RCC1: variants seen among roughly 807,000 people sequenced by gnomAD.
RCC1 encodes regulator of chromosome condensation.
In RCC1, 11 loss-of-function variants were observed where a neutral mutation model predicts 44.4. The ratio of observed to expected loss-of-function variants is 0.25; its 90% CI spans 0.16 to 0.41. The LOEUF (loss-of-function observed/expected upper bound fraction) is 0.41, where lower values mean the gene tolerates loss of function less well. Among genes scored for constraint, RCC1 ranks in the 10% least tolerant of loss-of-function variants. The pLI is 1.00. For synonymous variants in RCC1, 213 were observed against 216.5 expected (o/e 0.98, Z 0.14); for missense variants, 386 against 547.1 (o/e 0.71, Z 2.94).
chr1:28,514,302 T>A (rs577906013), intron 3 of RCC1, among the ~76,000 whole-genome samples: 1 of 151,688 alleles, frequency 6.6e-6, no homozygotes, highest in Non-Finnish European at 1.5e-5. Context: ...TACAAAAAAT[T>A]AGCCGGGCGT....
chr1:28,535,605 A>G (rs1456882674), intron 9 of RCC1: 1 of 793,746 alleles, frequency 1.3e-6, no homozygotes, highest in Non-Finnish European at 2.1e-6. Flanking sequence ...AACCTACTTC[A>G]TTAGGTTGCT....
intron 4 of RCC1, among the ~76,000 whole-genome samples, chr1:28,528,844 C>CTTTTTTTTTTT (rs59005617): frequency 4.6e-5 from 4 of 87,228 alleles, no homozygotes; most frequent in Non-Finnish European, 8.5e-5. Context: ...GTTTTTCTTC[C>CTTTTTTTTTTT]TTTTTTTTTT....
At position 28,516,814 on chromosome 1, in the gene RCC1, A is replaced by G. The variant is rs1003124103; in HGVS notation, c.-63A>G. The stretch of plus-strand genomic sequence containing the variant: ...GGGTTAAAAGTTGGAGAAATTTCAC[A>G]GTACATCATCCAAAAGAGGAGTCCA... On this transcript the variant is annotated 5_prime_UTR_variant, in exon 4 of 13. Coordinates refer to ENST00000683442, the MANE Select transcript of RCC1 (RefSeq NM_001381865.2). 8.8e-6 allele frequency: 4 copies of G among 456,522 alleles called. No individual in the cohort carries two copies. Among genetic ancestry groups the G allele is most frequent in the African/African-American group, 8.0e-5 (4 of 50,056 alleles). The allele number at this position is 456,522 out of a possible 1,614,324, so 28.3% of individuals were successfully genotyped here.
intron 1 of RCC1, chr1:28,507,847 C>T (rs533790944): frequency 2.7e-5 from 8 of 301,886 alleles, no homozygotes; most frequent in South Asian, 1.1e-4. Flanking sequence ...CCTTGTGATC[C>T]GCCAGCCTCT....
chr1:28,522,769 C>T (rs1243710540), intron 4 of RCC1, among the ~76,000 whole-genome samples: 1 of 151,734 alleles, frequency 6.6e-6, no homozygotes, highest in African/African-American at 2.4e-5. Context: ...GAGCCGTGTA[C>T]GTGCTGCTGC....
rs549371403 is a variant in RCC1, at chr1:28,534,664, A to G, written c.442-386A>G. Among the ~76,000 whole-genome samples, 7 of 152,218 alleles carry G rather than the reference A, an allele frequency of 4.6e-5. No homozygotes were observed. The East Asian group carries it at 1.4e-3, about 29-fold the overall frequency. On this transcript the variant is annotated intron_variant, in intron 7 of 12. Coordinates refer to ENST00000683442, the MANE Select transcript of RCC1 (RefSeq NM_001381865.2). ...CCCAGCTAATTTTTGTATTTTTTGT[A>G]GGGACGGGGTTTCACCGTGTTGCCC... is the stretch of plus-strand genomic sequence containing the variant.
At chr1:28,512,030 A>G (rs999097644) in intron 3 of RCC1, among the ~76,000 whole-genome samples, 1 of 139,170 alleles carries the variant, frequency 7.2e-6, no homozygotes, top group African/African-American at 2.7e-5. Flanking sequence ...GCTGGAGTGC[A>G]GTGGCGTGAT....
rs745611564 is a variant in RCC1, at chr1:28,536,376, C to T, written c.932C>T (p.Ser311Leu). ...CAGCACCATACAGTCTGCATGGATT[C>T]GGAAGGTAGGGCCTTTACGTCCTTC... is the stretch of plus-strand genomic sequence containing the variant. ...GGQHHTVCMD[S>L]EGKAYSLGRA... Residue 311 changes from serine (S) to leucine (L), a missense_variant, in exon 11 of 13, where the codon TCG (serine) becomes TTG (leucine). Physicochemically the swap from Ser to Leu is moderately radical, Grantham distance 145. Coordinates refer to ENST00000683442, the MANE Select transcript of RCC1 (RefSeq NM_001381865.2). The surrounding 1 kb of genome is among the most constrained non-coding windows in gnomAD (Gnocchi z 4.9). 5.6e-6 allele frequency: 9 copies of T among 1,613,490 alleles called. No homozygotes were observed. The highest frequency in any genetic ancestry group is 1.1e-5 in the South Asian group (1 of 91,002).
In RCC1 at chr1:28,507,600, C is replaced by CTT. The variant is rs34452349; in HGVS notation, c.-261-508_-261-507dup. On this transcript the variant is annotated intron_variant, in intron 1 of 12. Coordinates refer to ENST00000683442, the MANE Select transcript of RCC1 (RefSeq NM_001381865.2). ...TAGAGCACTGAATCTGGATTGAAGT[C>CTT]TTTTTTTTTTTTTTTTTTTTTGGAG... 1,671 of 346,218 alleles carry CTT rather than the reference C, an allele frequency of 4.8e-3. 7 individuals are homozygous for CTT. The highest frequency in any genetic ancestry group is 5.8e-3 in the African/African-American group (192 of 32,874). 21.4% of individuals were successfully genotyped at this position (346,218 alleles called of 1,614,324 possible).
intron 4 of RCC1, chr1:28,526,507 C>T: frequency 1.7e-6 from 1 of 580,174 alleles, no homozygotes; most frequent in Non-Finnish European, 3.3e-6. Flanking sequence ...AAGTGGGAAT[C>T]CACTGAGACT....
At chr1:28,517,388 C>T (rs1261857430) in intron 4 of RCC1, among the ~76,000 whole-genome samples, 7 of 152,140 alleles carry the variant, frequency 4.6e-5, no homozygotes. Flanking sequence ...TATCTGGTCT[C>T]TCTCATTCCT....
chr1:28,526,323 T>G (rs985459826), intron 4 of RCC1: 6 of 296,374 alleles, frequency 2.0e-5, no homozygotes, highest in Non-Finnish European at 3.3e-5. Context: ...AAACAAGTAC[T>G]TGATGACTCC....
chr1:28,535,423 A>T (rs1557880712), intron 9 of RCC1, 43 bp downstream of exon 9: 1 of 1,609,520 alleles, frequency 6.2e-7, no homozygotes, highest in Non-Finnish European at 8.5e-7. Context: ...TTGGCAGGCC[A>T]CCCCCACAGT....
At chr1:28,527,558 TTAAA>T (rs1401484085) in intron 4 of RCC1, among the ~76,000 whole-genome samples, 1 of 151,944 alleles carries the variant, frequency 6.6e-6, no homozygotes, top group Non-Finnish European at 1.5e-5. Flanking sequence ...AATCAATCAA[TTAAA>T]TAAGAAAAGA....
intron 7 of RCC1, among the ~76,000 whole-genome samples, chr1:28,533,153 A>G (rs1429942858): frequency 6.6e-6 from 1 of 151,764 alleles, no homozygotes; most frequent in Admixed American, 6.6e-5. Context: ...TGAAATTTTC[A>G]TGGAGAATTT....
chr1:28,506,273 C>T (rs967458783), intron 1 of RCC1, 189 bp downstream of exon 1: 4 of 446,308 alleles, frequency 9.0e-6, no homozygotes, highest in Admixed American at 2.5e-5. Flanking sequence ...CAACCTCCGC[C>T]TGCCGGGTTC....
intron 3 of RCC1, among the ~76,000 whole-genome samples, chr1:28,514,526 C>A (rs1470374563): frequency 6.6e-6 from 1 of 151,560 alleles, no homozygotes; most frequent in Non-Finnish European, 1.5e-5. Context: ...CTTTGGGAGG[C>A]TGAGACTGGC....
intron 4 of RCC1, among the ~76,000 whole-genome samples, chr1:28,520,614 T>C (rs1227086743): frequency 6.6e-6 from 1 of 152,074 alleles, no homozygotes; most frequent in African/African-American, 2.4e-5. Context: ...GAGTGCCTGA[T>C]GGTGGAAGCT....
At chr1:28,523,266 G>A (rs575513955) in intron 4 of RCC1, among the ~76,000 whole-genome samples, 3 of 152,026 alleles carry the variant, frequency 2.0e-5, no homozygotes, top group East Asian at 3.9e-4. Context: ...TGATCCGCCC[G>A]CCTCGGCCTC....
Sources: gnomAD v4.1 joint callset for allele counts (sites outside exome capture counted in the v4.1 genomes callset) on GRCh38, gnomAD v4.1.1 for gene constraint, Gnocchi (gnomAD v3.1) non-coding constraint, MANE v1.5 for transcripts, NCBI Gene and HGNC (gene_info 2026-07-23, HGNC 2026-07-21) for gene names.